The following ZEB1 variants were observed in gnomAD, a reference collection of about 807,000 sequenced individuals.
ZEB1 encodes the protein zinc finger E-box binding homeobox 1.
ZEB1 carries 21 observed loss-of-function variants against 84.9 expected under a neutral mutation model. That is an observed-to-expected ratio of 0.25 (90% CI 0.18 to 0.36). ZEB1 has a LOEUF of 0.36. Among genes scored for constraint, ZEB1 ranks in the 10% least tolerant of loss-of-function variants. The pLI is 1.00. For missense variants in ZEB1, 1,104 were observed against 1,330.2 expected, an observed-to-expected ratio of 0.83 and a Z score of 2.65; for synonymous variants, 420 against 471.1, an observed-to-expected ratio of 0.89 and a Z score of 1.41.
chr10:31,398,463 T>C (rs1274260714), intron 1 of ZEB1, among the ~76,000 whole-genome samples: 1 of 150,074 alleles, frequency 6.7e-6, no homozygotes, highest in Non-Finnish European at 1.5e-5. Context: ...CTCTGCATCA[T>C]TATTTTTCCT....
chr10:31,442,706 C>T (rs766068556), intron 1 of ZEB1, among the ~76,000 whole-genome samples: 8 of 151,732 alleles, frequency 5.3e-5, no homozygotes, highest in Admixed American at 2.6e-4. Context: ...AGGAAAGAAA[C>T]GAAAAAGAAG....
At chr10:31,500,648 C>T (rs745913373) in intron 3 of ZEB1, among the ~76,000 whole-genome samples, 1 of 152,116 alleles carries the variant, frequency 6.6e-6, no homozygotes, top group Non-Finnish European at 1.5e-5. Context: ...AAGCAGTGTA[C>T]CATAATCATG....
chr10:31,489,804 CTCT>C (rs1405934540), intron 2 of ZEB1, among the ~76,000 whole-genome samples: 2 of 151,212 alleles, frequency 1.3e-5, no homozygotes, highest in East Asian at 3.9e-4. Context: ...TACATCATTT[CTCT>C]TCTTCTTTTA....
intron 1 of ZEB1, among the ~76,000 whole-genome samples, chr10:31,390,109 T>G (rs1421747318): frequency 1.3e-5 from 2 of 152,222 alleles, no homozygotes; most frequent in East Asian, 3.8e-4. Context: ...GAATTTCAAG[T>G]AAATAACAAA....
chr10:31,461,935 A>G (rs577193438), intron 2 of ZEB1, among the ~76,000 whole-genome samples: 7 of 152,282 alleles, frequency 4.6e-5, no homozygotes, highest in Admixed American at 2.6e-4. Flanking sequence ...TTAAGCACCA[A>G]TGATATAAAA....
At chr10:31,362,453 G>A (rs1564590243) in intron 1 of ZEB1, among the ~76,000 whole-genome samples, 5 of 151,656 alleles carry the variant, frequency 3.3e-5, no homozygotes, top group Admixed American at 2.6e-4. Context: ...GACGGTGGCT[G>A]GGCAGAGGCG....
At chr10:31,394,028 T>G (rs914501791) in intron 1 of ZEB1, among the ~76,000 whole-genome samples, 1 of 152,156 alleles carries the variant, frequency 6.6e-6, no homozygotes, top group Admixed American at 6.6e-5. Context: ...ACACATTGCC[T>G]GCCCTCACAG....
rs536158083 is a variant in ZEB1, at chr10:31,470,199, C to G, written c.259+8962C>G. ...ACGCAATTCCTCACCAGCAATGGAA[C>G]AAAGCTGGACGGAGAACGACTTTGA... On this transcript the variant is annotated intron_variant, in intron 2 of 8. Coordinates refer to ENST00000424869, the MANE Select transcript of ZEB1 (RefSeq NM_001174096.2). Among the ~76,000 whole-genome samples the G allele has an allele frequency of 6.8e-4, 104 of 152,314 alleles. 2 individuals carry two copies. Among genetic ancestry groups the G allele is most frequent in the African/African-American group, 2.4e-3 (101 of 41,542 alleles).
intron 1 of ZEB1, chr10:31,361,253 T>C: frequency 1.9e-6 from 3 of 1,592,542 alleles, no homozygotes; most frequent in East Asian, 2.2e-5. Flanking sequence ...AGTGCAGTGG[T>C]GCGATCTCGG....
chr10:31,521,439 A>T lies in ZEB1; in HGVS notation c.2107A>T (p.Thr703Ser). 2 of 1,614,062 alleles carry T rather than the reference A, an allele frequency of 1.2e-6. No individual in the cohort carries two copies. The highest frequency in any genetic ancestry group is 2.2e-5 in the South Asian group (2 of 91,080). Residue 703 changes from threonine (T) to serine (S), a missense_variant, in exon 7 of 9, where the codon ACA becomes TCA. By Grantham distance (58) the Thr-to-Ser change is moderately conservative. Around this residue, in one of 7 missense-constraint regions of ZEB1, gnomAD observed 531 missense variants for 575.2 expected, o/e 0.92. Transcript: ENST00000424869. ...AACCACCAATGGTTCCAGAAGTAGT[A>T]CACCATCCCCATCACCTCTAAACCT... ...GSTTNGSRSS[T>S]PSPSPLNLSS...
At chr10:31,373,075 T>G (rs2045989491) in intron 1 of ZEB1, 1 of 985,396 alleles carries the variant, frequency 1.0e-6, no homozygotes, top group South Asian at 4.7e-5. Context: ...GAAGACATGA[T>G]CATCCAAATG....
At position 31,520,332 on chromosome 10, in the gene ZEB1, G is replaced by A. The variant is rs769590621; in HGVS notation, c.1000G>A (p.Glu334Lys). The change falls in exon 7 of 9, where the codon GAG (glutamate) becomes AAG (lysine). Residue 334 changes from glutamate to lysine, a missense_variant. Around this residue, in one of 7 missense-constraint regions of ZEB1, gnomAD observed 111 missense variants for 161.8 expected, o/e 0.69. Transcript: ENST00000424869. This position sits in a 1 kb window ranked among gnomAD's most constrained non-coding sequence, Gnocchi z 5.1. ...ACGACCACAGATACGGCAAAAGATA[G>A]AGAATAAACCCCTTCAAGAACAACT... ...PTRPQIRQKI[E>K]NKPLQEQLSV... 6.2e-7 allele frequency: 1 copy of A among 1,613,880 alleles called. No homozygotes were observed. The highest frequency in any genetic ancestry group is 1.1e-5 in the South Asian group (1 of 91,062).
chr10:31,398,718 TCTTATTTGAC>T (rs1302175732), intron 1 of ZEB1, among the ~76,000 whole-genome samples: 1 of 152,152 alleles, frequency 6.6e-6, no homozygotes, highest in Non-Finnish European at 1.5e-5. Flanking sequence ...TCAGTCTTCC[TCTTATTTGAC>T]CTGGCAACGG....
intron 1 of ZEB1, among the ~76,000 whole-genome samples, chr10:31,378,240 T>G (rs2134703069): frequency 6.6e-6 from 1 of 151,720 alleles, no homozygotes; most frequent in East Asian, 1.9e-4. Flanking sequence ...TGTTTATTAG[T>G]GTCGTGGAGG....
At chr10:31,339,484 A>G (rs1241871321) in intron 1 of ZEB1, among the ~76,000 whole-genome samples, 1 of 152,116 alleles carries the variant, frequency 6.6e-6, no homozygotes, top group South Asian at 2.1e-4. Context: ...AAGAACCTAT[A>G]TAAGGCCAGG....
rs117149907 is a variant in ZEB1 at position 31,504,379 on chromosome 10, C to T, written c.484+1870C>T. 2.2e-3 allele frequency among the ~76,000 whole-genome samples: 340 copies of T among 152,064 alleles called. 12 individuals carry two copies. The East Asian group carries it at 0.055, about 25-fold the overall frequency. On this transcript the variant is annotated intron_variant, in intron 4 of 8. Coordinates refer to ENST00000424869, the MANE Select transcript of ZEB1 (RefSeq NM_001174096.2). ...TGTACCTTGTATTATATTTTGAAGTCAGGTAGTGCGATGTCTCCAGCTTTG... is the reference window on the plus strand; with the variant it reads ...TGTACCTTGTATTATATTTTGAAGTTAGGTAGTGCGATGTCTCCAGCTTTG...
chr10:31,387,129 C>T (rs964438315), intron 1 of ZEB1: 1 of 985,700 alleles, frequency 1.0e-6, no homozygotes, highest in Non-Finnish European at 1.2e-6. Flanking sequence ...CTTAGGACAA[C>T]CTTAAACTTC....
chr10:31,361,318 G>C, intron 1 of ZEB1: 1 of 1,128,550 alleles, frequency 8.9e-7, no homozygotes, highest in Non-Finnish European at 1.3e-6. Flanking sequence ...TCAGCCTCCT[G>C]AGTAGCTGGG....
intron 1 of ZEB1, among the ~76,000 whole-genome samples, chr10:31,402,544 T>C (rs1205879067): frequency 5.3e-5 from 8 of 152,158 alleles, no homozygotes; most frequent in Middle Eastern, 3.2e-3. Flanking sequence ...TGGACAATAG[T>C]ATACTTCTCT....
Sources: allele counts gnomAD v4.1 joint callset (sites outside exome capture counted in the v4.1 genomes callset), GRCh38; gene constraint gnomAD v4.1.1; regional missense constraint gnomAD v4.1.1; non-coding constraint Gnocchi (gnomAD v3.1); transcripts MANE v1.5; gene names NCBI Gene and HGNC (gene_info 2026-07-23, HGNC 2026-07-21).